CUBN: variants seen among roughly 807,000 people sequenced by gnomAD.
CUBN encodes the protein cubilin, also known as 460 kDa receptor.
In CUBN, 282 loss-of-function variants were observed where a neutral mutation model predicts 405.3. The observed-to-expected ratio is 0.70, with a 90% confidence interval of 0.63 to 0.77. CUBN has a LOEUF of 0.77. Among genes scored for constraint, CUBN ranks in the 30% least tolerant of loss-of-function variants. The pLI is 0.00. For synonymous variants in CUBN, 1,684 were observed against 1,617.0 expected (o/e 1.04, Z -0.99); for missense variants, 4,514 against 4,475.2 (o/e 1.01, Z -0.25).
chr10:16,837,954 T>C (rs1444838765), intron 62 of CUBN, among the ~76,000 whole-genome samples: 3 of 152,122 alleles, frequency 2.0e-5, no homozygotes, highest in Non-Finnish European at 4.4e-5. Context: ...TCCACCCTGA[T>C]CCCCATTGTC....
chr10:16,928,036 CATGTCCT>C, intron 41 of CUBN, 114 bp downstream of exon 41: 1 of 1,097,674 alleles, frequency 9.1e-7, no homozygotes, highest in Non-Finnish European at 1.4e-6. Flanking sequence ...GGCAGAGACC[CATGTCCT>C]CTGACTTGTC....
intron 21 of CUBN, among the ~76,000 whole-genome samples, chr10:17,067,439 T>A (rs1255440885): frequency 6.6e-6 from 1 of 152,092 alleles, no homozygotes; most frequent in Non-Finnish European, 1.5e-5. Context: ...CTTGAATATA[T>A]AGTAATAGGA....
At chr10:16,888,994 C>T (rs1194591583) in intron 55 of CUBN, among the ~76,000 whole-genome samples, 1 of 152,154 alleles carries the variant, frequency 6.6e-6, no homozygotes, top group African/African-American at 2.4e-5. Context: ...ATTTTCATTA[C>T]CATTGTAATC....
chr10:17,021,906 A>G (rs1468251918), intron 27 of CUBN, among the ~76,000 whole-genome samples: 1 of 151,976 alleles, frequency 6.6e-6, no homozygotes, highest in East Asian at 1.9e-4. Context: ...AGCACAGACC[A>G]CCTCTGGCCT....
intron 59 of CUBN, among the ~76,000 whole-genome samples, chr10:16,855,370 T>C (rs1164387677): frequency 6.6e-6 from 1 of 152,110 alleles, no homozygotes; most frequent in Non-Finnish European, 1.5e-5. Flanking sequence ...GTGTTAGTGG[T>C]CATGAAGCAG....
intron 31 of CUBN, among the ~76,000 whole-genome samples, chr10:16,973,231 TC>T (rs1196266515): frequency 1.3e-5 from 2 of 152,116 alleles, no homozygotes; most frequent in African/African-American, 2.4e-5. Flanking sequence ...CCTTGCAGCC[TC>T]CCCTCGTGGC....
At chr10:16,934,387 T>C (rs1405047071) in intron 39 of CUBN, among the ~76,000 whole-genome samples, 1 of 152,202 alleles carries the variant, frequency 6.6e-6, no homozygotes, top group Non-Finnish European at 1.5e-5. Context: ...TTGAATCTTA[T>C]CAGGGCCAAC....
chr10:16,941,936 T>G (rs898745610), intron 36 of CUBN, among the ~76,000 whole-genome samples: 31 of 152,026 alleles, frequency 2.0e-4, no homozygotes, highest in Non-Finnish European at 4.1e-4. Context: ...AGCAAGGGAC[T>G]CAAAGTTGAA....
At chr10:17,117,802 C>T (rs1457398411) in intron 6 of CUBN, among the ~76,000 whole-genome samples, 2 of 152,138 alleles carry the variant, frequency 1.3e-5, no homozygotes, top group African/African-American at 4.8e-5. Flanking sequence ...TTGGAAACCC[C>T]TGGGATAAGA....
In CUBN at chr10:17,024,214, C is replaced by G. The variant is rs1009154426; in HGVS notation, c.4018-4231G>C. ...GGGGAGGATATAACACTAAAGACACCACGTGTGGTCAATCACTGATAGAGA... is the reference window on the plus strand; with the variant it reads ...GGGGAGGATATAACACTAAAGACACGACGTGTGGTCAATCACTGATAGAGA... On this transcript the variant is annotated intron_variant, in intron 27 of 66. Coordinates refer to ENST00000377833, the MANE Select transcript of CUBN (RefSeq NM_001081.4). Among the ~76,000 whole-genome samples the G allele has an allele frequency of 2.6e-5, 4 of 152,168 alleles. No homozygotes were observed. The East Asian group carries it at 7.7e-4, about 29-fold the overall frequency.
intron 4 of CUBN, among the ~76,000 whole-genome samples, chr10:17,125,842 C>T (rs1030507187): frequency 6.6e-6 from 1 of 152,302 alleles, no homozygotes; most frequent in East Asian, 1.9e-4. Context: ...ATTCTTTACT[C>T]ATTTTCTTTC....
chr10:17,000,207 T>C (rs1046106045), intron 28 of CUBN, among the ~76,000 whole-genome samples: 8 of 152,222 alleles, frequency 5.3e-5, no homozygotes, highest in African/African-American at 1.9e-4. Context: ...ACTCTTCACT[T>C]TAATATAACT....
At chr10:17,125,198 C>T (rs1167750673) in intron 4 of CUBN, among the ~76,000 whole-genome samples, 2 of 152,016 alleles carry the variant, frequency 1.3e-5, no homozygotes, top group Non-Finnish European at 2.9e-5. Context: ...TATATGTATG[C>T]ACACACATAC....
intron 31 of CUBN, among the ~76,000 whole-genome samples, chr10:16,966,453 AT>A (rs58278501): frequency 0.023 from 3,336 of 147,810 alleles, 141 homozygotes; most frequent in African/African-American, 0.079. Flanking sequence ...GCTTTACTAC[AT>A]TTTTTTTTTT....
chr10:16,902,110 C>T (rs1345837845), intron 51 of CUBN, among the ~76,000 whole-genome samples: 2 of 134,484 alleles, frequency 1.5e-5, no homozygotes, highest in East Asian at 4.1e-4. Context: ...TACACACACA[C>T]ACCATATATA....
intron 17 of CUBN, among the ~76,000 whole-genome samples, chr10:17,077,932 T>C (rs1564506141): frequency 6.6e-6 from 1 of 152,194 alleles, no homozygotes; most frequent in Non-Finnish European, 1.5e-5. Flanking sequence ...CTAACATCTC[T>C]ATTAATAAAT....
At chr10:17,049,035 T>C (rs752108562) in intron 22 of CUBN, among the ~76,000 whole-genome samples, 1 of 152,238 alleles carries the variant, frequency 6.6e-6, no homozygotes, top group Non-Finnish European at 1.5e-5. Flanking sequence ...CCAAAGATTA[T>C]GTTTAACTCC....
At chr10:16,928,559 T>C (rs1842275042) in intron 40 of CUBN, among the ~76,000 whole-genome samples, 1 of 125,752 alleles carries the variant, frequency 8.0e-6, no homozygotes, top group African/African-American at 2.9e-5. Context: ...AGATGGAGTC[T>C]TCCTCTGTTG....
At chr10:16,906,674 G>T (rs1459162956) in intron 49 of CUBN, among the ~76,000 whole-genome samples, 1 of 152,146 alleles carries the variant, frequency 6.6e-6, no homozygotes, top group Non-Finnish European at 1.5e-5. Context: ...GTATCAATAG[G>T]TCCAAATATT....
Sources: allele counts gnomAD v4.1 joint callset (sites outside exome capture counted in the v4.1 genomes callset), GRCh38; gene constraint gnomAD v4.1.1; transcripts MANE v1.5; gene names NCBI Gene and HGNC (gene_info 2026-07-23, HGNC 2026-07-21).